Variants in SLC25A21 observed in about 807,000 individuals in gnomAD.
SLC25A21 encodes solute carrier family 25 member 21.
Under a neutral mutation model 43.8 loss-of-function variants are expected in SLC25A21, and 47 were observed. The ratio of observed to expected loss-of-function variants is 1.07; its 90% CI spans 0.85 to 1.37. The LOEUF (loss-of-function observed/expected upper bound fraction) is 1.37, where lower values mean the gene tolerates loss of function less well. Ranked by LOEUF, SLC25A21 falls within the 40% of genes most tolerant of loss-of-function variation. SLC25A21 has a pLI of 0.00. For synonymous variants in SLC25A21, 131 were observed against 121.3 expected, an observed-to-expected ratio of 1.08 and a Z score of -0.52; for missense variants, 352 against 350.2, an observed-to-expected ratio of 1.00 and a Z score of -0.04.
chr14:36,767,263 GA>G (rs1886451155), intron 3 of SLC25A21, among the ~76,000 whole-genome samples: 1 of 152,196 alleles, frequency 6.6e-6, no homozygotes, highest in Admixed American at 6.5e-5. Flanking sequence ...AAATGGAATT[GA>G]AAGCAGAAAT....
chr14:36,900,686 C>T (rs1036873853), intron 1 of SLC25A21, among the ~76,000 whole-genome samples: 1 of 152,160 alleles, frequency 6.6e-6, no homozygotes, highest in Admixed American at 6.5e-5. Flanking sequence ...TTTAAATACA[C>T]ATTTAGTTCA....
chr14:36,788,851 A>C (rs547047962), intron 3 of SLC25A21: 2 of 152,076 alleles, frequency 1.3e-5, no homozygotes, highest in Admixed American at 6.5e-5. Context: ...TTTTCTCTCT[A>C]GTTATTTTAC....
chr14:37,128,957 T>C (rs1389415179), intron 1 of SLC25A21, among the ~76,000 whole-genome samples: 3 of 152,300 alleles, frequency 2.0e-5, no homozygotes, highest in South Asian at 2.1e-4. Context: ...GTAAAAGCAT[T>C]AGCCACCTGT....
intron 1 of SLC25A21, among the ~76,000 whole-genome samples, chr14:36,976,613 C>T (rs1036827054): frequency 1.1e-4 from 16 of 152,130 alleles, no homozygotes; most frequent in Non-Finnish European, 8.8e-5. Context: ...GGATTTGCCT[C>T]TCACCTCTCT....
intron 1 of SLC25A21, among the ~76,000 whole-genome samples, chr14:37,072,550 T>A (rs1188406464): frequency 6.6e-6 from 1 of 151,944 alleles, no homozygotes; most frequent in Non-Finnish European, 1.5e-5. Context: ...AGGTCAGGAG[T>A]TCGAGACCAG....
chr14:36,691,163 G>A (rs1488757327), intron 7 of SLC25A21, among the ~76,000 whole-genome samples: 3 of 152,190 alleles, frequency 2.0e-5, no homozygotes, highest in African/African-American at 7.2e-5. Context: ...AAGTATCGGT[G>A]ACTCTGAGAC....
At chr14:37,047,474 G>A (rs183928984) in intron 1 of SLC25A21, among the ~76,000 whole-genome samples, 71 of 152,276 alleles carry the variant, frequency 4.7e-4, no homozygotes, top group African/African-American at 1.5e-3. Context: ...GTCCATTTCC[G>A]GAACTTTGCT....
chr14:36,994,783 A>G (rs1025471253), intron 1 of SLC25A21, among the ~76,000 whole-genome samples: 31 of 152,186 alleles, frequency 2.0e-4, no homozygotes, highest in African/African-American at 7.5e-4. Flanking sequence ...CCTCCTGCCT[A>G]GCACACAGCA....
At chr14:37,025,161 T>C (rs1400602996) in intron 1 of SLC25A21, among the ~76,000 whole-genome samples, 1 of 152,154 alleles carries the variant, frequency 6.6e-6, no homozygotes, top group African/African-American at 2.4e-5. Context: ...GGAAAGAATG[T>C]GGAAATTAGA....
intron 3 of SLC25A21, among the ~76,000 whole-genome samples, chr14:36,799,594 A>G (rs965181279): frequency 2.0e-5 from 3 of 152,230 alleles, no homozygotes; most frequent in Non-Finnish European, 4.4e-5. Flanking sequence ...CTAAAGCTGT[A>G]AAGTAGCCAC....
intron 1 of SLC25A21, among the ~76,000 whole-genome samples, chr14:36,910,528 G>A (rs980897724): frequency 6.6e-6 from 1 of 152,090 alleles, no homozygotes; most frequent in Non-Finnish European, 1.5e-5. Flanking sequence ...AATAGTGCCT[G>A]GAATTGGAAG....
intron 1 of SLC25A21, among the ~76,000 whole-genome samples, chr14:36,940,995 C>T (rs765266791): frequency 1.3e-5 from 2 of 151,808 alleles, no homozygotes; most frequent in Non-Finnish European, 1.5e-5. Flanking sequence ...TTTTTTCACA[C>T]AAAAATACTC....
intron 3 of SLC25A21, among the ~76,000 whole-genome samples, chr14:36,811,879 T>G (rs538165640): frequency 1.3e-5 from 2 of 152,292 alleles, no homozygotes; most frequent in South Asian, 4.1e-4. Flanking sequence ...TTAGAGAATT[T>G]TTTTTAATGT....
At chr14:36,817,429 G>A (rs1298096971) in intron 2 of SLC25A21, among the ~76,000 whole-genome samples, 1 of 152,110 alleles carries the variant, frequency 6.6e-6, no homozygotes, top group African/African-American at 2.4e-5. Flanking sequence ...ACAATGGCCA[G>A]TGAGGGAAAG....
At chr14:36,757,043 C>T (rs1311579896) in intron 3 of SLC25A21, among the ~76,000 whole-genome samples, 1 of 140,176 alleles carries the variant, frequency 7.1e-6, no homozygotes, top group African/African-American at 2.7e-5. Context: ...CACTTGAGCC[C>T]AAGGGTTCAA....
At position 36,794,379 on chromosome 14, in the gene SLC25A21, T is replaced by A. The variant is rs559589346; in HGVS notation, c.203+19539A>T. Among the ~76,000 whole-genome samples, 6 of 152,278 alleles carry A rather than the reference T, an allele frequency of 3.9e-5. No homozygotes were observed. In the East Asian group the frequency reaches 1.2e-3, roughly 29 times the overall value. Reference sequence around the variant, plus strand: ...TCTTTTAATAGACACACCACCAATATGTAAATGCTGTTTCAGACTGAAACA... The same window carrying A: ...TCTTTTAATAGACACACCACCAATAAGTAAATGCTGTTTCAGACTGAAACA... On this transcript the variant is annotated intron_variant, in intron 3 of 9. Transcript: ENST00000331299.
chr14:37,138,043 T>C (rs933504410), intron 1 of SLC25A21, among the ~76,000 whole-genome samples: 1 of 152,182 alleles, frequency 6.6e-6, no homozygotes, highest in African/African-American at 2.4e-5. Context: ...CCAAAACTTG[T>C]TTCTTAAAAT....
chr14:36,754,126 G>C (rs1885832952), intron 3 of SLC25A21, among the ~76,000 whole-genome samples: 1 of 152,170 alleles, frequency 6.6e-6, no homozygotes. Context: ...ACGTTATTCT[G>C]AGTGTTTCTG....
chr14:36,785,419 T>C (rs906492742), intron 3 of SLC25A21, among the ~76,000 whole-genome samples: 1 of 152,208 alleles, frequency 6.6e-6, no homozygotes, highest in African/African-American at 2.4e-5. Context: ...GCAACCTCAC[T>C]GTACCTGACT....
Sources: gnomAD v4.1 joint callset for allele counts (sites outside exome capture counted in the v4.1 genomes callset) on GRCh38, gnomAD v4.1.1 for gene constraint, MANE v1.5 for transcripts, NCBI Gene and HGNC (gene_info 2026-07-23, HGNC 2026-07-21) for gene names.